The following ARHGAP44 variants were observed in gnomAD, a reference collection of about 807,000 sequenced individuals.
The protein encoded by ARHGAP44 is rho GTPase-activating protein 44.
In ARHGAP44, 43 loss-of-function variants were observed where a neutral mutation model predicts 106.8. The ratio of observed to expected loss-of-function variants is 0.40; its 90% confidence interval spans 0.32 to 0.52. ARHGAP44 has a LOEUF of 0.52. Ranked by LOEUF, ARHGAP44 falls within the 20% of genes least tolerant of loss-of-function variation. The pLI is 0.48. For synonymous variants in ARHGAP44, 439 were observed against 410.3 expected, an observed-to-expected ratio of 1.07 and a Z score of -0.85; for missense variants, 866 against 1,050.5, an observed-to-expected ratio of 0.82 and a Z score of 2.43.
intron 1 of ARHGAP44, among the ~76,000 whole-genome samples, chr17:12,807,411 A>C (rs1375413522): frequency 6.6e-6 from 1 of 152,236 alleles, no homozygotes; most frequent in Non-Finnish European, 1.5e-5. Context: ...CACACACCCA[A>C]GACTGGATAA....
chr17:12,908,259 C>T (rs560174599), intron 3 of ARHGAP44, among the ~76,000 whole-genome samples: 2 of 143,722 alleles, frequency 1.4e-5, no homozygotes, highest in African/African-American at 2.6e-5. Flanking sequence ...TGCAGTGGCA[C>T]AATCTCGGCT....
intron 1 of ARHGAP44, among the ~76,000 whole-genome samples, chr17:12,826,715 C>T (rs899545131): frequency 6.6e-6 from 1 of 152,178 alleles, no homozygotes; most frequent in Non-Finnish European, 1.5e-5. Flanking sequence ...CTTTTCCCAC[C>T]CTCACCATTC....
chr17:12,868,679 C>T (rs993413415), intron 1 of ARHGAP44, among the ~76,000 whole-genome samples: 8 of 138,396 alleles, frequency 5.8e-5, no homozygotes, highest in Admixed American at 3.1e-4. Flanking sequence ...TTTTCTGAGA[C>T]GGAGTTTTGC....
intron 1 of ARHGAP44, among the ~76,000 whole-genome samples, chr17:12,880,959 G>T (rs529413236): frequency 1.3e-5 from 2 of 152,054 alleles, no homozygotes; most frequent in East Asian, 3.9e-4. Flanking sequence ...AATGCTTTGT[G>T]GTTTTAATTT....
At chr17:12,843,985 C>G (rs2035492838) in intron 1 of ARHGAP44, among the ~76,000 whole-genome samples, 2 of 152,092 alleles carry the variant, frequency 1.3e-5, no homozygotes. Flanking sequence ...TAAGTCTTGA[C>G]TGAGCTCAAA....
chr17:12,839,548 A>C (rs1447658473), intron 1 of ARHGAP44, among the ~76,000 whole-genome samples: 1 of 152,154 alleles, frequency 6.6e-6, no homozygotes, highest in Non-Finnish European at 1.5e-5. Context: ...TATGATTTCC[A>C]CGTCTGAACT....
rs757408078 is a variant in ARHGAP44, at chr17:12,990,148, G to T, written c.2434G>T (p.Glu812Ter). Residue 812 changes from glutamate to a stop codon, truncating the protein, a stop_gained, in exon 21 of 21, where the codon GAG (glutamate) becomes TAG (stop). Transcript: ENST00000379672. LOFTEE classifies it high-confidence loss of function. ...SVTDKRDSEEESESTAL is the reference protein window; with the variant it reads ...SVTDKRDSEE Reference sequence around the variant, plus strand: ...AACTGACAAGAGGGACTCGGAGGAGGAGTCTGAGAGCACCGCCCTCTGACA... The same window carrying T: ...AACTGACAAGAGGGACTCGGAGGAGTAGTCTGAGAGCACCGCCCTCTGACA... 3 of 1,613,162 alleles carry T rather than the reference G, an allele frequency of 1.9e-6. No individual in the cohort carries two copies. The highest frequency in any genetic ancestry group is 1.1e-5 in the South Asian group (1 of 91,068).
chr17:12,855,770 A>G (rs551423547), intron 1 of ARHGAP44, among the ~76,000 whole-genome samples: 2 of 152,332 alleles, frequency 1.3e-5, no homozygotes, highest in African/African-American at 4.8e-5. Context: ...AAGATTTGAG[A>G]AACACTTGTG....
intron 1 of ARHGAP44, among the ~76,000 whole-genome samples, chr17:12,854,988 A>G (rs927317923): frequency 1.3e-4 from 20 of 150,014 alleles, no homozygotes; most frequent in Admixed American, 7.3e-4. Context: ...AAAAAGAAGC[A>G]GTGTCTCTAT....
At chr17:12,975,246 A>G (rs2039646803) in intron 18 of ARHGAP44, among the ~76,000 whole-genome samples, 1 of 152,180 alleles carries the variant, frequency 6.6e-6, no homozygotes, top group Non-Finnish European at 1.5e-5. Flanking sequence ...AAGGGGGACT[A>G]CTGTATCCTA....
chr17:12,964,824 C>T lies in ARHGAP44; in HGVS notation c.1523+5927C>T, dbSNP rs1036060922. Among the ~76,000 whole-genome samples the T allele has an allele frequency of 5.9e-5, 9 of 152,054 alleles. No individual in the cohort carries two copies. In the South Asian group the frequency reaches 1.9e-3, roughly 32 times the overall value. On this transcript the variant is annotated intron_variant, in intron 16 of 20. Transcript: ENST00000379672. ...ATAGAAGCGACATGGGTAATGTGAC[C>T]TCCTTCCTAGCATCACGTCCCTCCC...
chr17:12,945,623 TGG>T (rs2038830616), intron 10 of ARHGAP44, among the ~76,000 whole-genome samples: 1 of 152,276 alleles, frequency 6.6e-6, no homozygotes, highest in East Asian at 1.9e-4. Context: ...GTAAGGGCTA[TGG>T]ATGAGAAGGA....
chr17:12,841,214 A>T (rs1012744378), intron 1 of ARHGAP44, among the ~76,000 whole-genome samples: 3 of 152,212 alleles, frequency 2.0e-5, no homozygotes, highest in African/African-American at 7.2e-5. Flanking sequence ...AACTTGGTGT[A>T]AATATGCTAT....
In ARHGAP44 at chr17:12,975,614, C is replaced by T. The variant is rs1003689842; in HGVS notation, c.1763+1304C>T. Among the ~76,000 whole-genome samples the T allele has an allele frequency of 7.4e-4, 112 of 151,744 alleles. 1 individual carries two copies. Among genetic ancestry groups the T allele is most frequent in the African/African-American group, 2.6e-3 (107 of 41,410 alleles). On this transcript the variant is annotated intron_variant, in intron 18 of 20. Transcript: ENST00000379672. ...GAGATCGAGACCATCCTGGCTAACA[C>T]GGTGAAACCCCACCTCTACTAAAAA...
chr17:12,876,109 C>A (rs947382493), intron 1 of ARHGAP44, among the ~76,000 whole-genome samples: 2 of 152,178 alleles, frequency 1.3e-5, no homozygotes, highest in African/African-American at 4.8e-5. Flanking sequence ...TCCATACCCC[C>A]ACTCAGCTCT....
chr17:12,917,888 T>C (rs566768067), intron 5 of ARHGAP44, among the ~76,000 whole-genome samples: 173 of 152,332 alleles, frequency 1.1e-3, no homozygotes, highest in African/African-American at 3.9e-3. Flanking sequence ...TGCCTTGCCC[T>C]AGACCCTGTC....
In ARHGAP44 at chr17:12,894,966, A is replaced by G; in HGVS notation, c.80A>G (p.Glu27Gly). The G allele has an allele frequency of 1.3e-6, 2 of 1,589,876 alleles. No individual in the cohort carries two copies. The highest frequency in any genetic ancestry group is 4.5e-5 in the East Asian group (2 of 44,202). ...GCTGAAAAGACAGAAGTTTTGAGTG[A>G]AGACCTTCTTCAGGTAAGGCGGCCA... ...GRAEKTEVLS[E>G]DLLQVEKRLE... Residue 27 changes from glutamate (E) to glycine (G), a missense_variant, in exon 2 of 21, where the codon GAA (glutamate) becomes GGA (glycine). Physicochemically the swap from Glu to Gly is moderately conservative, Grantham distance 98. This residue lies in a region of ARHGAP44 where 448 missense variants were observed against 646.9 expected (regional missense o/e 0.69). Coordinates refer to ENST00000379672, the MANE Select transcript of ARHGAP44 (RefSeq NM_014859.6).
intron 1 of ARHGAP44, among the ~76,000 whole-genome samples, chr17:12,856,202 T>C (rs1160868450): frequency 6.6e-6 from 1 of 152,204 alleles, no homozygotes; most frequent in Non-Finnish European, 1.5e-5. Flanking sequence ...TTGAAGCCAC[T>C]GGCCCTTACA....
intron 1 of ARHGAP44, among the ~76,000 whole-genome samples, chr17:12,801,363 C>T (rs2034088061): frequency 6.6e-6 from 1 of 152,262 alleles, no homozygotes; most frequent in African/African-American, 2.4e-5. Flanking sequence ...ATCCTCCCAA[C>T]AACTCTTAAG....
Sources: gnomAD v4.1 joint callset for allele counts (sites outside exome capture counted in the v4.1 genomes callset) on GRCh38, gnomAD v4.1.1 for gene constraint, gnomAD v4.1.1 regional missense constraint, MANE v1.5 for transcripts, NCBI Gene and HGNC (gene_info 2026-07-23, HGNC 2026-07-21) for gene names.